The following BAZ2B variants were observed in gnomAD, a reference collection of about 807,000 sequenced individuals.
BAZ2B encodes the protein bromodomain adjacent to zinc finger domain 2B, also known as bromodomain adjacent to zinc finger domain protein 2B.
Under a neutral mutation model 246.0 loss-of-function variants are expected in BAZ2B, and 91 were observed. The ratio of observed to expected loss-of-function variants is 0.37; its 90% CI spans 0.31 to 0.44. The LOEUF (loss-of-function observed/expected upper bound fraction) is 0.44. Ranked by LOEUF, BAZ2B falls within the 20% of genes least tolerant of loss-of-function variation. BAZ2B has a pLI of 1.00. For missense variants in BAZ2B, 2,332 were observed against 2,533.7 expected (o/e 0.92, Z 1.71); for synonymous variants, 855 against 860.0 (o/e 0.99, Z 0.10).
Position 159,350,167 on chromosome 2 carries a change from T to C in BAZ2B, c.4404A>G (p.Lys1468=). 2 of 1,614,108 alleles carry C rather than the reference T, an allele frequency of 1.2e-6. No homozygotes were observed. Among genetic ancestry groups the C allele is most frequent in the East Asian group, 2.2e-5 (1 of 44,876 alleles). ...TAGCTACTTCCAAAAGCTTGCTTAA[T>C]TTGGAAAAAGAGCCAGGTTTCTGAA... The part of the protein sequence containing the change: ...LFLQKPGSFS[K]LSKLLEVAKM... The change falls in exon 28 of 37, where the codon AAA becomes AAG. Residue 1468 remains lysine, a synonymous_variant. Transcript: ENST00000392783.
chr2:159,577,425 C>A (rs1685613419), intron 1 of BAZ2B, among the ~76,000 whole-genome samples: 1 of 152,098 alleles, frequency 6.6e-6, no homozygotes, highest in Non-Finnish European at 1.5e-5. Flanking sequence ...AAAATTATTT[C>A]TGCATTAGTT....
intron 28 of BAZ2B, 59 bp from the exon 29 acceptor site, chr2:159,349,339 TGTTTGG>T (rs2058317971): frequency 6.9e-7 from 1 of 1,446,756 alleles, no homozygotes; most frequent in Admixed American, 2.5e-5. Context: ...TTAGGAAAAA[TGTTTGG>T]AATATGAAAT....
At chr2:159,577,853 T>C (rs1578559400) in intron 1 of BAZ2B, among the ~76,000 whole-genome samples, 2 of 152,298 alleles carry the variant, frequency 1.3e-5, no homozygotes, top group East Asian at 3.9e-4. Context: ...TAATACTGCT[T>C]TTCAAGCTAT....
chr2:159,488,354 T>C (rs1240627711), intron 2 of BAZ2B, among the ~76,000 whole-genome samples: 24 of 152,188 alleles, frequency 1.6e-4, no homozygotes, highest in Admixed American at 1.6e-3. Context: ...ATTACAGGTG[T>C]TAGCTACCGC....
intron 2 of BAZ2B, among the ~76,000 whole-genome samples, chr2:159,513,061 G>C (rs1280480482): frequency 6.6e-6 from 1 of 152,076 alleles, no homozygotes. Context: ...AATGACCTTA[G>C]GGAATATTAA....
At chr2:159,527,784 A>AAT (rs1411537631) in intron 2 of BAZ2B, among the ~76,000 whole-genome samples, 21 of 152,256 alleles carry the variant, frequency 1.4e-4, no homozygotes, top group Non-Finnish European at 2.9e-5. Flanking sequence ...AAAAAACACA[A>AAT]ATATATATTT....
chr2:159,342,312 A>C (rs1015504690), intron 31 of BAZ2B, among the ~76,000 whole-genome samples: 7 of 152,236 alleles, frequency 4.6e-5, no homozygotes, highest in Non-Finnish European at 1.0e-4. Context: ...TTGAACTAGA[A>C]AAAACTATTG....
At chr2:159,605,040 AAG>A (rs139621930) in intron 1 of BAZ2B, among the ~76,000 whole-genome samples, 9,904 of 151,346 alleles carry the variant, frequency 0.065, 453 homozygotes, top group East Asian at 0.23. Flanking sequence ...AGGAGAGAGA[AAG>A]AGAGAGAGAC....
intron 2 of BAZ2B, among the ~76,000 whole-genome samples, chr2:159,525,380 G>T (rs1316768999): frequency 6.6e-6 from 1 of 152,164 alleles, no homozygotes; most frequent in Non-Finnish European, 1.5e-5. Context: ...TAATATACAG[G>T]TTGAATATCC....
chr2:159,583,739 T>A (rs1559835943), intron 1 of BAZ2B, among the ~76,000 whole-genome samples: 2 of 152,034 alleles, frequency 1.3e-5, no homozygotes, highest in Admixed American at 1.3e-4. Flanking sequence ...TTGAAGGCCA[T>A]AAGTATATGG....
At chr2:159,700,471 G>A in the BAZ2B span, among the ~76,000 whole-genome samples, 1 of 152,050 alleles carries the variant, frequency 6.6e-6, no homozygotes. Context: ...TTGAGACAGA[G>A]TTTTGTCCCT....
intron 25 of BAZ2B, among the ~76,000 whole-genome samples, chr2:159,381,572 G>C (rs911082355): frequency 1.3e-5 from 2 of 151,984 alleles, no homozygotes; most frequent in Non-Finnish European, 2.9e-5. Flanking sequence ...CATTGCTCTA[G>C]TTTCTACCCC....
Position 159,382,569 on chromosome 2 carries a change from C to T in BAZ2B, c.3995G>A (p.Cys1332Tyr). The T allele has an allele frequency of 1.3e-6, 2 of 1,550,162 alleles. No homozygotes were observed. Among genetic ancestry groups the T allele is most frequent in the Non-Finnish European group, 1.7e-6 (2 of 1,146,384 alleles). Residue 1332 changes from cysteine (C) to tyrosine (Y), a missense_variant, in exon 25 of 37, where the codon TGT becomes TAT. Physicochemically the swap from Cys to Tyr is radical, Grantham distance 194. Around this residue, in one of 9 missense-constraint regions of BAZ2B, gnomAD observed 676 missense variants for 668.6 expected, o/e 1.01. Coordinates refer to ENST00000392783, the MANE Select transcript of BAZ2B (RefSeq NM_013450.4). The part of the protein sequence containing the change: ...EDKKGKKTDI[C>Y]EDEDEGDQAA... Reference sequence around the variant, plus strand: ...CCTAAATTTCATTACCTCATCTTCACAGATATCAGTCTTTTTTCCTTTTTT... The same window carrying T: ...CCTAAATTTCATTACCTCATCTTCATAGATATCAGTCTTTTTTCCTTTTTT...
chr2:159,554,584 A>G (rs563044360), intron 2 of BAZ2B, among the ~76,000 whole-genome samples: 3 of 152,140 alleles, frequency 2.0e-5, no homozygotes, highest in Non-Finnish European at 4.4e-5. Context: ...GTTAAACTTA[A>G]CAAATGAACC....
chr2:159,640,372 T>G, the BAZ2B span, among the ~76,000 whole-genome samples: 1 of 152,150 alleles, frequency 6.6e-6, no homozygotes, highest in African/African-American at 2.4e-5. Flanking sequence ...TTACAGAACA[T>G]TTCATGCAAC....
At chr2:159,685,970 G>T in the BAZ2B span, among the ~76,000 whole-genome samples, 1 of 152,116 alleles carries the variant, frequency 6.6e-6, no homozygotes, top group Non-Finnish European at 1.5e-5. Flanking sequence ...TAACAATAAA[G>T]AATAATAGAG....
rs1032980987 is a variant in BAZ2B, at chr2:159,523,507, C to T, written c.-3+32316G>A. On this transcript the variant is annotated intron_variant, in intron 2 of 36. Coordinates refer to ENST00000392783, the MANE Select transcript of BAZ2B (RefSeq NM_013450.4). ...GATCACAAGATCAGGAGTTCGAGAC[C>T]AGCCTGGCCAACATAGTGAAACCCT... is the stretch of plus-strand genomic sequence containing the variant. 2.0e-5 allele frequency among the ~76,000 whole-genome samples: 3 copies of T among 152,050 alleles called. 1 individual carries two copies. Among genetic ancestry groups the T allele is most frequent in the Non-Finnish European group, 4.4e-5 (3 of 68,018 alleles).
At position 159,337,555 on chromosome 2, in the gene BAZ2B, C is replaced by T; in HGVS notation, c.5660+12G>A. On this transcript the variant is annotated intron_variant, in intron 32 of 36. Coordinates refer to ENST00000392783, the MANE Select transcript of BAZ2B (RefSeq NM_013450.4). ...GATCTGAATGGTGGTACTTAAGGGG[C>T]TCTTCAGATACCTTCTTTCAATGTT... 6 of 1,614,052 alleles carry T rather than the reference C, an allele frequency of 3.7e-6. No individual in the cohort carries two copies. Among genetic ancestry groups the T allele is most frequent in the Non-Finnish European group, 5.1e-6 (6 of 1,179,970 alleles).
chr2:159,320,129 T>C lies in BAZ2B; in HGVS notation c.*136A>G. ...GCCTTTAAAAATGGTATCATTCTTC[T>C]GATACTTTTTTTTTATACTTAAGGA... is the stretch of plus-strand genomic sequence containing the variant. On this transcript the variant is annotated 3_prime_UTR_variant, in exon 37 of 37. Transcript: ENST00000392783. 1 of 793,438 alleles carries C rather than the reference T, an allele frequency of 1.3e-6. No individual in the cohort carries two copies. Among genetic ancestry groups the C allele is most frequent in the Non-Finnish European group, 1.8e-6 (1 of 560,596 alleles). The allele number at this position is 793,438 out of a possible 1,614,324, so 49.1% of individuals were successfully genotyped here.
Sources: allele counts gnomAD v4.1 joint callset (sites outside exome capture counted in the v4.1 genomes callset), GRCh38; gene constraint gnomAD v4.1.1; regional missense constraint gnomAD v4.1.1; transcripts MANE v1.5; gene names NCBI Gene and HGNC (gene_info 2026-07-23, HGNC 2026-07-21).